Variants in PHLPP2 observed in about 807,000 individuals in gnomAD.
PHLPP2 encodes PH domain and leucine rich repeat protein phosphatase 2, also known as PH domain leucine-rich repeat-containing protein phosphatase 2.
A neutral mutation model predicts 124.9 loss-of-function variants in PHLPP2; 66 were observed. The ratio of observed to expected loss-of-function variants is 0.53; its 90% CI spans 0.43 to 0.65. The LOEUF (loss-of-function observed/expected upper bound fraction) is 0.65. Ranked by LOEUF, PHLPP2 falls within the 30% of genes least tolerant of loss-of-function variation. The pLI, the probability that PHLPP2 is intolerant of heterozygous loss-of-function variation, is 0.00. For missense variants in PHLPP2, 1,685 were observed against 1,600.4 expected, an observed-to-expected ratio of 1.05 and a Z score of -0.90; for synonymous variants, 681 against 624.7, an observed-to-expected ratio of 1.09 and a Z score of -1.34.
chr16:71,667,743 C>A (rs1351608500), intron 11 of PHLPP2, among the ~76,000 whole-genome samples: 1 of 152,120 alleles, frequency 6.6e-6, no homozygotes, highest in Non-Finnish European at 1.5e-5. Flanking sequence ...ATGTGCTAAG[C>A]CACTTAACAA....
chr16:71,716,755 A>G (rs1204047965), intron 1 of PHLPP2, among the ~76,000 whole-genome samples: 1 of 152,060 alleles, frequency 6.6e-6, no homozygotes, highest in Non-Finnish European at 1.5e-5. Flanking sequence ...TCAAAATCCT[A>G]CTCAGGCATC....
chr16:71,674,341 G>A (rs2044923956), intron 9 of PHLPP2, among the ~76,000 whole-genome samples: 1 of 150,370 alleles, frequency 6.7e-6, no homozygotes, highest in South Asian at 2.1e-4. Context: ...GGCCTCCAAA[G>A]TGTTGGGATT....
At chr16:71,650,769 T>A (rs2044690304) in intron 18 of PHLPP2, among the ~76,000 whole-genome samples, 1 of 152,192 alleles carries the variant, frequency 6.6e-6, no homozygotes, top group Non-Finnish European at 1.5e-5. Context: ...ACAGTTGCAA[T>A]CACCCTCTGG....
chr16:71,657,225 G>A (rs2044749666), intron 15 of PHLPP2, among the ~76,000 whole-genome samples: 1 of 151,898 alleles, frequency 6.6e-6, no homozygotes, highest in African/African-American at 2.4e-5. Context: ...TTACAGGTGT[G>A]AGCCACCGCT....
chr16:71,711,727 A>G (rs1279932280), intron 2 of PHLPP2, among the ~76,000 whole-genome samples: 1 of 152,230 alleles, frequency 6.6e-6, no homozygotes, highest in African/African-American at 2.4e-5. Flanking sequence ...TCTTCGGTGA[A>G]CATACTTCAG....
rs371183298 is a variant in PHLPP2, at chr16:71,688,608, G to GTTT, written c.609+1908_609+1910dup. Among the ~76,000 whole-genome samples, 312 of 125,658 alleles carry GTTT rather than the reference G, an allele frequency of 2.5e-3. 7 individuals are homozygous for GTTT. The highest frequency in any genetic ancestry group is 5.4e-3 in the East Asian group (23 of 4,256). 82.4% of individuals were successfully genotyped at this position (125,658 alleles called of 152,430 possible). A position where few individuals can be genotyped will look rare whatever the true frequency, so the allele number is the denominator to read the frequency against. Reference sequence around the variant, plus strand: ...TCCCTAGTATTAAATTTCTCTGTGGGTTTTTTTTTTTTTTTTTGTATGTGT... The same window carrying GTTT: ...TCCCTAGTATTAAATTTCTCTGTGGGTTTTTTTTTTTTTTTTTTTTGTATGTGT... On this transcript the variant is annotated intron_variant, in intron 4 of 18. Transcript: ENST00000568954.
intron 3 of PHLPP2, among the ~76,000 whole-genome samples, chr16:71,697,657 T>C (rs1336284800): frequency 6.6e-6 from 1 of 152,142 alleles, no homozygotes; most frequent in African/African-American, 2.4e-5. Flanking sequence ...TTTTAAACAA[T>C]ATGTGCAGAG....
At chr16:71,674,103 G>A (rs1052111066) in intron 9 of PHLPP2, among the ~76,000 whole-genome samples, 23 of 147,230 alleles carry the variant, frequency 1.6e-4, no homozygotes, top group Non-Finnish European at 2.4e-4. Context: ...TTGAGATGGA[G>A]CTTTGCTCTT....
chr16:71,674,951 C>T (rs996152642), intron 9 of PHLPP2, among the ~76,000 whole-genome samples: 1 of 152,164 alleles, frequency 6.6e-6, no homozygotes, highest in African/African-American at 2.4e-5. Flanking sequence ...GAGCTGAGAC[C>T]AGGCAACTGC....
intron 3 of PHLPP2, among the ~76,000 whole-genome samples, chr16:71,695,974 T>A (rs2045166019): frequency 6.6e-6 from 1 of 152,126 alleles, no homozygotes; most frequent in African/African-American, 2.4e-5. Flanking sequence ...TATAACAAAT[T>A]AAAACACCAC....
chr16:71,713,971 T>C (rs2045340587), intron 2 of PHLPP2, among the ~76,000 whole-genome samples: 1 of 149,976 alleles, frequency 6.7e-6, no homozygotes. Context: ...AGACAGTGTC[T>C]TGCTGTCACC....
At chr16:71,681,683 A>T (rs2044999939) in intron 6 of PHLPP2, 68 bp downstream of exon 6, 1 of 1,206,358 alleles carries the variant, frequency 8.3e-7, no homozygotes, top group African/African-American at 1.5e-5. Context: ...GGTAGCAGGT[A>T]GAAGCCATAA....
chr16:71,700,124 C>T (rs181272582), intron 3 of PHLPP2, among the ~76,000 whole-genome samples: 1 of 152,280 alleles, frequency 6.6e-6, no homozygotes, highest in Admixed American at 6.5e-5. Flanking sequence ...CGGCTGCTCA[C>T]AGTGGCTCGT....
intron 1 of PHLPP2, chr16:71,723,996 C>G (rs952901571): frequency 2.3e-5 from 5 of 216,008 alleles, no homozygotes; most frequent in African/African-American, 4.7e-5. Flanking sequence ...GGCTCGCCAG[C>G]TCCGCCCCTC....
chr16:71,691,369 G>A (rs1050062306), intron 3 of PHLPP2, among the ~76,000 whole-genome samples: 1 of 152,050 alleles, frequency 6.6e-6, no homozygotes, highest in Non-Finnish European at 1.5e-5. Context: ...GCTGAGGCAG[G>A]AGAATGGCGT....
chr16:71,676,357 T>C (rs2044945142), intron 9 of PHLPP2, 90 bp downstream of exon 9: 1 of 937,978 alleles, frequency 1.1e-6, no homozygotes, highest in South Asian at 1.5e-5. Context: ...TCCTGCAGAG[T>C]GGCTGAGGAA....
intron 18 of PHLPP2, among the ~76,000 whole-genome samples, 174 bp from the exon 19 acceptor site, chr16:71,650,218 G>A (rs1245916563): frequency 6.6e-6 from 1 of 152,152 alleles, no homozygotes; most frequent in African/African-American, 2.4e-5. Context: ...AGTCCTAAAA[G>A]ACAAAATATT....
chr16:71,655,072 C>G (rs2044730740), intron 17 of PHLPP2, 168 bp downstream of exon 17: 1 of 559,124 alleles, frequency 1.8e-6, no homozygotes, highest in Non-Finnish European at 3.2e-6. Flanking sequence ...TTTGAAAGAG[C>G]CGAAGTCCCC....
In PHLPP2 at chr16:71,649,541, G is replaced by C. The variant is rs1417858261; in HGVS notation, c.3321C>G (p.Asp1107Glu). Residue 1107 changes from aspartate to glutamate, a missense_variant, in exon 19 of 19, where the codon GAC becomes GAG. Physicochemically the swap from Asp to Glu is conservative, Grantham distance 45. Transcript: ENST00000568954. ...GCTCTGGCCTCGGAAGCAAGGCAGT[G>C]TCCAGGCCCCCAGCATTATGCTCAT... is the stretch of plus-strand genomic sequence containing the variant. The part of the protein sequence containing the change: ...ASDEHNAGGL[D>E]TALLPRPERR... 1.2e-6 allele frequency: 2 copies of C among 1,614,174 alleles called. No individual in the cohort carries two copies. The highest frequency in any genetic ancestry group is 1.7e-6 in the Non-Finnish European group (2 of 1,180,032).
Sources: gnomAD v4.1 joint callset for allele counts (sites outside exome capture counted in the v4.1 genomes callset) on GRCh38, gnomAD v4.1.1 for gene constraint, MANE v1.5 for transcripts, NCBI Gene and HGNC (gene_info 2026-07-23, HGNC 2026-07-21) for gene names.